Variants in CCDC62 observed in about 807,000 individuals in gnomAD.
The protein encoded by CCDC62 is coiled-coil domain containing 62, also known as coiled-coil domain-containing protein 62.
A neutral mutation model predicts 80.8 loss-of-function variants in CCDC62; 72 were observed. The ratio of observed to expected loss-of-function variants is 0.89; its 90% CI spans 0.74 to 1.08. CCDC62 has a LOEUF of 1.08. CCDC62 is among the 50% of genes least tolerant of loss of function. The probability of loss-of-function intolerance (pLI) is 0.00; values close to 1 mark genes in which losing one functional copy is unlikely to be tolerated. For missense variants in CCDC62, 704 were observed against 809.4 expected (o/e 0.87, Z 1.58); for synonymous variants, 286 against 296.5 (o/e 0.96, Z 0.36).
rs1173971546 is a variant in CCDC62 at position 122,774,584 on chromosome 12, C to T, written c.-87C>T. On this transcript the variant is annotated 5_prime_UTR_variant, in exon 1 of 13. Transcript: ENST00000253079. The stretch of plus-strand genomic sequence containing the variant: ...GCGGGGCCCCGGGGCTCCGGGCTCG[C>T]CCCCGCCGCTCGGGGCAGGCGCGCC... 5 of 1,061,996 alleles carry T rather than the reference C, an allele frequency of 4.7e-6. No homozygotes were observed. In the South Asian group the frequency reaches 1.9e-4, roughly 40 times the overall value. The allele number at this position is 1,061,996 out of a possible 1,614,324, so 65.8% of individuals were successfully genotyped here.
At chr12:122,818,146 A>G (rs1358894426) in intron 11 of CCDC62, among the ~76,000 whole-genome samples, 1 of 151,922 alleles carries the variant, frequency 6.6e-6, no homozygotes, top group East Asian at 1.9e-4. Context: ...TGTCTCTACA[A>G]AAAATTCAAA....
intron 1 of CCDC62, 57 bp from the exon 2 acceptor site, chr12:122,777,434 G>C: frequency 6.9e-7 from 1 of 1,456,914 alleles, no homozygotes; most frequent in South Asian, 1.3e-5. Context: ...AATGGACTTT[G>C]GCTGATTTGT....
Position 122,801,292 on chromosome 12 carries a change from G to T in CCDC62, c.1146G>T (p.Gln382His). 1 of 1,614,124 alleles carries T rather than the reference G, an allele frequency of 6.2e-7. No individual in the cohort carries two copies. The highest frequency in any genetic ancestry group is 8.5e-7 in the Non-Finnish European group (1 of 1,180,016). ...SCDECKEKKQ[Q>H]IDTVFGEKSV... The stretch of plus-strand genomic sequence containing the variant: ...ATGAATGCAAAGAGAAGAAACAACA[G>T]ATCGATACTGTGTTTGGGGAGAAAA... The change falls in exon 9 of 13, where the codon CAG becomes CAT. Residue 382 changes from glutamine to histidine, a missense_variant. Gln to His is a conservative substitution (Grantham distance 24). Transcript: ENST00000253079.
intron 9 of CCDC62, among the ~76,000 whole-genome samples, chr12:122,805,799 C>T (rs1324344192): frequency 1.3e-5 from 2 of 151,896 alleles, no homozygotes; most frequent in African/African-American, 2.4e-5. Flanking sequence ...TGTGAGCCAC[C>T]GCTCCCGGCC....
intron 3 of CCDC62, 115 bp downstream of exon 3, chr12:122,781,445 G>A (rs1267433148): frequency 1.1e-6 from 1 of 950,186 alleles, no homozygotes; most frequent in Non-Finnish European, 1.6e-6. Flanking sequence ...CAACACTTTG[G>A]GAGGCCGAGG....
At position 122,794,262 on chromosome 12, in the gene CCDC62, G is replaced by A. The variant is rs562297223; in HGVS notation, c.772+2141G>A. On this transcript the variant is annotated intron_variant, in intron 6 of 12. Transcript: ENST00000253079. Reference sequence around the variant, plus strand: ...CAGGCTGGAGTGCAGTGGTACAATCGCAGCTCACTGCAGCCTCAAACTCTG... The same window carrying A: ...CAGGCTGGAGTGCAGTGGTACAATCACAGCTCACTGCAGCCTCAAACTCTG... Among the ~76,000 whole-genome samples, 29 of 151,272 alleles carry A rather than the reference G, an allele frequency of 1.9e-4. No individual in the cohort carries two copies. The South Asian group carries it at 4.8e-3, about 25-fold the overall frequency.
At chr12:122,792,599 A>C (rs1340255996) in intron 6 of CCDC62, among the ~76,000 whole-genome samples, 1 of 151,066 alleles carries the variant, frequency 6.6e-6, no homozygotes, top group East Asian at 1.9e-4. Flanking sequence ...GCTCACTGCA[A>C]CCTCTGCCTC....
At chr12:122,824,845 G>T (rs965326832) in intron 12 of CCDC62, among the ~76,000 whole-genome samples, 8 of 152,136 alleles carry the variant, frequency 5.3e-5, no homozygotes, top group African/African-American at 1.9e-4. Flanking sequence ...AGCACTTTGG[G>T]AGGCCGAGGC....
At chr12:122,800,163 A>ATTTTTT (rs2031208496) in intron 8 of CCDC62, among the ~76,000 whole-genome samples, 1 of 123,088 alleles carries the variant, frequency 8.1e-6, no homozygotes, top group African/African-American at 3.3e-5. Context: ...ATGCCCGGCT[A>ATTTTTT]CTTTTTTTTT....
Position 122,798,187 on chromosome 12 carries a change from G to C in CCDC62, c.964G>C (p.Ala322Pro). Residue 322 changes from alanine (A) to proline (P), a missense_variant, in exon 8 of 13, where the codon GCT becomes CCT. Transcript: ENST00000253079. Reference protein sequence around the residue: ...MYDSKMEESKALDSSRDMCLS... With the variant: ...MYDSKMEESKPLDSSRDMCLS... Reference sequence around the variant, plus strand: ...TGACTCAAAGATGGAGGAATCAAAGGCTCTGGACTCCAGGTAATCTTAGCA... The same window carrying C: ...TGACTCAAAGATGGAGGAATCAAAGCCTCTGGACTCCAGGTAATCTTAGCA... The C allele has an allele frequency of 6.6e-7, 1 of 1,509,420 alleles. No individual in the cohort carries two copies. The highest frequency in any genetic ancestry group is 9.2e-7 in the Non-Finnish European group (1 of 1,086,406). The allele number at this position is 1,509,420 out of a possible 1,614,324, so 93.5% of individuals were successfully genotyped here.
intron 6 of CCDC62, among the ~76,000 whole-genome samples, chr12:122,794,890 T>G (rs1230595966): frequency 6.6e-6 from 1 of 152,048 alleles, no homozygotes; most frequent in Non-Finnish European, 1.5e-5. Context: ...CTGCTGGTCT[T>G]GAACTCCTAG....
intron 9 of CCDC62, among the ~76,000 whole-genome samples, chr12:122,803,316 T>G (rs2031409716): frequency 6.6e-6 from 1 of 152,234 alleles, no homozygotes; most frequent in Admixed American, 6.5e-5. Flanking sequence ...ATACTTGTAT[T>G]TAACAAGCTG....
At chr12:122,804,565 C>T (rs2031481612) in intron 9 of CCDC62, among the ~76,000 whole-genome samples, 1 of 152,098 alleles carries the variant, frequency 6.6e-6, no homozygotes. Context: ...CAAGGAGGAT[C>T]TCTTGAGTTC....
At position 122,801,488 on chromosome 12, in the gene CCDC62, C is replaced by CA; in HGVS notation, c.1344dup (p.Pro449ThrfsTer9). The CA allele has an allele frequency of 1.2e-6, 2 of 1,614,154 alleles. No individual in the cohort carries two copies. The highest frequency in any genetic ancestry group is 1.7e-6 in the Non-Finnish European group (2 of 1,180,036). On this transcript the variant is annotated frameshift_variant, in exon 9 of 13. Coordinates refer to ENST00000253079, the MANE Select transcript of CCDC62 (RefSeq NM_201435.5). LOFTEE classifies it high-confidence loss of function. Reference sequence around the variant, plus strand: ...CACTGGGGTTCAGAACGAAGGAAAACAACCCTCAGAAACACCCACTTTATC... The same window carrying CA: ...CACTGGGGTTCAGAACGAAGGAAAACAAACCCTCAGAAACACCCACTTTATC...
chr12:122,794,157 A>G (rs959386602), intron 6 of CCDC62, among the ~76,000 whole-genome samples: 6 of 152,232 alleles, frequency 3.9e-5, no homozygotes, highest in African/African-American at 1.4e-4. Context: ...TAAGTAAAAT[A>G]CATGGAATTT....
chr12:122,813,447 A>T (rs1296737252), intron 11 of CCDC62, 28 bp downstream of exon 11: 4 of 1,599,618 alleles, frequency 2.5e-6, no homozygotes, highest in Non-Finnish European at 2.6e-6. Flanking sequence ...TCTTGACTAT[A>T]TTTGTCACAT....
intron 6 of CCDC62, among the ~76,000 whole-genome samples, chr12:122,794,621 A>G (rs2030824439): frequency 6.6e-6 from 1 of 152,178 alleles, no homozygotes; most frequent in South Asian, 2.1e-4. Flanking sequence ...ATAGATTTGC[A>G]TGTTTCAATT....
At chr12:122,775,225 T>G (rs1469951960) in intron 1 of CCDC62, among the ~76,000 whole-genome samples, 1 of 152,120 alleles carries the variant, frequency 6.6e-6, no homozygotes, top group Non-Finnish European at 1.5e-5. Flanking sequence ...TGCTTACTGT[T>G]TAAGGAGGAC....
chr12:122,819,871 A>G (rs1316694053), intron 11 of CCDC62, among the ~76,000 whole-genome samples: 2 of 151,868 alleles, frequency 1.3e-5, no homozygotes, highest in Non-Finnish European at 2.9e-5. Context: ...CCTGGGCAAC[A>G]TAGCTAGGCC....
Sources: allele counts gnomAD v4.1 joint callset (sites outside exome capture counted in the v4.1 genomes callset), GRCh38; gene constraint gnomAD v4.1.1; transcripts MANE v1.5; gene names NCBI Gene and HGNC (gene_info 2026-07-23, HGNC 2026-07-21).